Variants in SLCO3A1 observed in about 807,000 individuals in gnomAD.
The protein encoded by SLCO3A1 is solute carrier organic anion transporter family member 3A1, also known as PGE1 transporter.
Under a neutral mutation model 63.1 loss-of-function variants are expected in SLCO3A1, and 27 were observed. The observed-to-expected ratio is 0.43, with a 90% CI of 0.32 to 0.59. The LOEUF (loss-of-function observed/expected upper bound fraction) is 0.59. SLCO3A1 is among the 20% of genes least tolerant of loss of function. The probability of loss-of-function intolerance (pLI) is 0.09; values close to 1 mark genes in which losing one functional copy is unlikely to be tolerated. For missense variants in SLCO3A1, 773 were observed against 945.8 expected (o/e 0.82, Z 2.40); for synonymous variants, 473 against 409.9 (o/e 1.15, Z -1.86).
At chr15:91,983,466 G>A (rs1406862866) in intron 2 of SLCO3A1, among the ~76,000 whole-genome samples, 4 of 152,110 alleles carry the variant, frequency 2.6e-5, no homozygotes, top group South Asian at 4.1e-4. Flanking sequence ...CTACCTAAAC[G>A]AGCCTTGGAA....
chr15:92,055,424 T>C (rs2047010103), intron 2 of SLCO3A1, among the ~76,000 whole-genome samples: 1 of 152,238 alleles, frequency 6.6e-6, no homozygotes, highest in African/African-American at 2.4e-5. Flanking sequence ...ATGGTTTCTT[T>C]TGTTGTGCAG....
intron 3 of SLCO3A1, among the ~76,000 whole-genome samples, chr15:92,099,410 G>T (rs985875182): frequency 2.0e-5 from 3 of 151,536 alleles, no homozygotes; most frequent in Non-Finnish European, 4.4e-5. Context: ...CATAGCAAAA[G>T]TTTGGCAACA....
intron 2 of SLCO3A1, among the ~76,000 whole-genome samples, chr15:92,082,579 G>A (rs780831524): frequency 5.9e-5 from 9 of 152,150 alleles, no homozygotes; most frequent in East Asian, 5.8e-4. Flanking sequence ...AGCCATGCAC[G>A]CCCCCATTCT....
At chr15:92,075,462 G>A (rs1028930529) in intron 2 of SLCO3A1, among the ~76,000 whole-genome samples, 9 of 152,298 alleles carry the variant, frequency 5.9e-5, no homozygotes, top group East Asian at 3.9e-4. Context: ...TTAATGCCAC[G>A]GAGGTTGCAT....
intron 3 of SLCO3A1, among the ~76,000 whole-genome samples, chr15:92,103,151 T>C (rs776740332): frequency 7.9e-5 from 12 of 152,184 alleles, no homozygotes; most frequent in Non-Finnish European, 1.2e-4. Context: ...GTGCGGTCAT[T>C]ACTCTTCCCA....
chr15:92,037,509 T>C (rs2046743251), intron 2 of SLCO3A1, among the ~76,000 whole-genome samples: 1 of 152,236 alleles, frequency 6.6e-6, no homozygotes, highest in African/African-American at 2.4e-5. Flanking sequence ...TCTAGAATGC[T>C]AAACCTAGAA....
At chr15:92,005,130 C>A (rs1481706067) in intron 2 of SLCO3A1, among the ~76,000 whole-genome samples, 2 of 152,192 alleles carry the variant, frequency 1.3e-5, no homozygotes, top group Admixed American at 1.3e-4. Context: ...AGTCTTCTAG[C>A]TGTTTTTAGA....
chr15:91,928,844 G>T (rs1899125411), intron 2 of SLCO3A1, among the ~76,000 whole-genome samples: 1 of 152,196 alleles, frequency 6.6e-6, no homozygotes, highest in African/African-American at 2.4e-5. Context: ...TCACCAGACG[G>T]TTTTGTTTAC....
At chr15:91,956,669 C>G (rs1031507235) in intron 2 of SLCO3A1, among the ~76,000 whole-genome samples, 4 of 151,766 alleles carry the variant, frequency 2.6e-5, no homozygotes, top group African/African-American at 9.7e-5. Context: ...CTAAAACCCC[C>G]GACACCATTT....
chr15:91,903,618 G>T (rs1358133521), intron 1 of SLCO3A1, among the ~76,000 whole-genome samples: 2 of 152,132 alleles, frequency 1.3e-5, no homozygotes, highest in African/African-American at 4.8e-5. Flanking sequence ...TTCCTCCAGT[G>T]GACACAGCTA....
rs1322730437 is a variant in SLCO3A1, at chr15:92,104,501, T to C, written c.968T>C (p.Leu323Pro). 5 of 1,613,870 alleles carry C rather than the reference T, an allele frequency of 3.1e-6. No homozygotes were observed. Among genetic ancestry groups the C allele is most frequent in the Non-Finnish European group, 4.2e-6 (5 of 1,180,022 alleles). Residue 323 changes from leucine (L) to proline (P), a missense_variant, in exon 4 of 10, where the codon CTG (leucine) becomes CCG (proline). Around this residue, in one of 3 missense-constraint regions of SLCO3A1, gnomAD observed 565 missense variants for 749.8 expected, o/e 0.75. Coordinates refer to ENST00000318445, the MANE Select transcript of SLCO3A1 (RefSeq NM_013272.4). ...AGCAACGGGGTCCTGAGGCACCCCC[T>C]GGAGCCAGACAGCAGTGCCTCCTGT... Reference protein sequence around the residue: ...KPSNGVLRHPLEPDSSASCFQ... With the variant: ...KPSNGVLRHPPEPDSSASCFQ...
At chr15:91,889,097 A>T in intron 1 of SLCO3A1, 1 of 1,184,834 alleles carries the variant, frequency 8.4e-7, no homozygotes, top group Non-Finnish European at 1.1e-6. Context: ...ACTTGTTATT[A>T]CAGAATAAAT....
intron 1 of SLCO3A1, among the ~76,000 whole-genome samples, chr15:91,902,843 G>A (rs903004117): frequency 6.6e-6 from 1 of 152,170 alleles, no homozygotes; most frequent in African/African-American, 2.4e-5. Context: ...CCATTTGCAA[G>A]CTGCAAGACC....
intron 2 of SLCO3A1, among the ~76,000 whole-genome samples, chr15:91,991,301 C>T (rs1166569905): frequency 6.6e-6 from 1 of 151,990 alleles, no homozygotes; most frequent in African/African-American, 2.4e-5. Flanking sequence ...AGGAGATCTG[C>T]AGTGAGCCAT....
chr15:91,962,768 C>G (rs552359139), intron 2 of SLCO3A1, among the ~76,000 whole-genome samples: 7 of 152,140 alleles, frequency 4.6e-5, no homozygotes, highest in Non-Finnish European at 7.4e-5. Context: ...AACTGAGGGT[C>G]CTCGGGCTGC....
At position 91,981,793 on chromosome 15, in the gene SLCO3A1, C is replaced by G. The variant is rs146776175; in HGVS notation, c.646+65335C>G. On this transcript the variant is annotated intron_variant, in intron 2 of 9. Transcript: ENST00000318445. ...CACAGAGTGTGGACATCAGGGTAGA[C>G]ACTTAGTTTCTGCTCCAGGTTCTAA... Among the ~76,000 whole-genome samples the G allele has an allele frequency of 3.0e-3, 457 of 152,254 alleles. 3 individuals are homozygous for G. Among genetic ancestry groups the G allele is most frequent in the African/African-American group, 0.011 (443 of 41,540 alleles).
intron 2 of SLCO3A1, among the ~76,000 whole-genome samples, chr15:91,971,636 A>G (rs911649790): frequency 3.9e-5 from 6 of 152,226 alleles, no homozygotes; most frequent in Non-Finnish European, 8.8e-5. Context: ...TCATGCAGGC[A>G]TGAGTTACAG....
intron 2 of SLCO3A1, among the ~76,000 whole-genome samples, chr15:92,080,371 G>A (rs1419280585): frequency 1.3e-5 from 2 of 151,746 alleles, no homozygotes; most frequent in African/African-American, 4.8e-5. Flanking sequence ...CAATTATTAT[G>A]GCAAGCCCAA....
At position 92,163,211 on chromosome 15, in the gene SLCO3A1, A is replaced by C. The variant is rs963574176; in HGVS notation, c.*76A>C. On this transcript the variant is annotated 3_prime_UTR_variant, in exon 10 of 10. Transcript: ENST00000318445. ...TCTTAAAAAAAGAAAAAAAGGTTCC[A>C]AAAAAAACCAAAACTCAGTACACAC... 8.3e-6 allele frequency: 12 copies of C among 1,442,034 alleles called. No homozygotes were observed. The South Asian group carries it at 2.0e-4, about 24-fold the overall frequency. The allele number at this position is 1,442,034 out of a possible 1,614,324, so 89.3% of individuals were successfully genotyped here.
Sources: allele counts gnomAD v4.1 joint callset (sites outside exome capture counted in the v4.1 genomes callset), GRCh38; gene constraint gnomAD v4.1.1; regional missense constraint gnomAD v4.1.1; transcripts MANE v1.5; gene names NCBI Gene and HGNC (gene_info 2026-07-23, HGNC 2026-07-21).